PDCD4: variants seen among roughly 807,000 people sequenced by gnomAD.
PDCD4 encodes programmed cell death 4, also known as programmed cell death protein 4.
Under a neutral mutation model 54.0 loss-of-function variants are expected in PDCD4, and 56 were observed. That is an observed-to-expected ratio of 1.04 (90% CI 0.84 to 1.30). The LOEUF is 1.30. Ranked by LOEUF, PDCD4 falls within the 50% of genes most tolerant of loss-of-function variation. The pLI is 0.00. For missense variants in PDCD4, 584 were observed against 559.8 expected (o/e 1.04, Z -0.44); for synonymous variants, 186 against 194.8 (o/e 0.95, Z 0.37).
At chr10:110,883,154 C>T (rs895971448) in intron 4 of PDCD4, 57 bp downstream of exon 4, 8 of 1,159,240 alleles carry the variant, frequency 6.9e-6, no homozygotes, top group Non-Finnish European at 1.0e-5. Context: ...TTTTTGACTT[C>T]ATGTTTGTAG....
At position 110,894,505 on chromosome 10, in the gene PDCD4, G is replaced by A. The variant is rs1249568853; in HGVS notation, c.1192G>A (p.Val398Ile). Residue 398 changes from valine (V) to isoleucine (I), a missense_variant, in exon 10 of 12, where the codon GTA becomes ATA. Val to Ile is a conservative substitution (Grantham distance 29, BLOSUM62 3). Transcript: ENST00000280154. The part of the protein sequence containing the change: ...KSLWKSSTIT[V>I]DQMKRGYERI... Reference sequence around the variant, plus strand: ...CCTTTGGAAGTCTTCTACCATTACTGTAGACCAAATGAAAAGAGTAAGTAT... The same window carrying A: ...CCTTTGGAAGTCTTCTACCATTACTATAGACCAAATGAAAAGAGTAAGTAT... 6 of 1,441,852 alleles carry A rather than the reference G, an allele frequency of 4.2e-6. No individual in the cohort carries two copies. The highest frequency in any genetic ancestry group is 1.4e-5 in the African/African-American group (1 of 71,640). The allele number at this position is 1,441,852 out of a possible 1,614,324, so 89.3% of individuals were successfully genotyped here.
chr10:110,877,781 CTTACTCTT>C (rs1845528940), intron 2 of PDCD4, among the ~76,000 whole-genome samples: 1 of 152,202 alleles, frequency 6.6e-6, no homozygotes, highest in African/African-American at 2.4e-5. Flanking sequence ...AAGTCACACT[CTTACTCTT>C]TTACTTGGAG....
chr10:110,875,214 C>T (rs1281268826), intron 1 of PDCD4, among the ~76,000 whole-genome samples: 1 of 152,086 alleles, frequency 6.6e-6, no homozygotes, highest in Non-Finnish European at 1.5e-5. Flanking sequence ...TTTCATCAAA[C>T]CTTCCAGTAT....
rs778286423 is a variant in PDCD4, at chr10:110,890,617, A to G, written c.937A>G (p.Ser313Gly). 2 of 1,613,584 alleles carry G rather than the reference A, an allele frequency of 1.2e-6. No homozygotes were observed. Among genetic ancestry groups the G allele is most frequent in the East Asian group, 2.2e-5 (1 of 44,854 alleles). ...SMSKGGKRKD[S>G]VWGSGGGQQS... ...GTCTAAAGGTGGAAAGCGTAAAGAT[A>G]GTGTGTGGGGCTCTGGAGGTGGGCA... is the stretch of plus-strand genomic sequence containing the variant. Residue 313 changes from serine to glycine, a missense_variant, in exon 8 of 12, where the codon AGT becomes GGT. By Grantham distance (56) the Ser-to-Gly change is moderately conservative. Transcript: ENST00000280154.
At chr10:110,875,683 A>G (rs1357593237) in intron 1 of PDCD4, among the ~76,000 whole-genome samples, 1 of 152,182 alleles carries the variant, frequency 6.6e-6, no homozygotes, top group Non-Finnish European at 1.5e-5. Flanking sequence ...GTAAACATGT[A>G]TCACAAACAT....
intron 3 of PDCD4, 36 bp downstream of exon 3, chr10:110,881,571 A>G (rs781711420): frequency 6.5e-6 from 10 of 1,546,960 alleles, no homozygotes; most frequent in East Asian, 2.3e-5. Flanking sequence ...TGGAAGATAA[A>G]CAAGTGGAAA....
chr10:110,891,724 C>A (rs542867853), intron 8 of PDCD4, among the ~76,000 whole-genome samples: 32 of 152,078 alleles, frequency 2.1e-4, no homozygotes, highest in African/African-American at 6.3e-4. Flanking sequence ...GTAGTTAGAG[C>A]CTTGACTGTT....
chr10:110,881,680 C>T (rs1474302735), intron 3 of PDCD4, 145 bp downstream of exon 3: 3 of 623,676 alleles, frequency 4.8e-6, no homozygotes, highest in Non-Finnish European at 7.8e-6. Context: ...TATATTTTTA[C>T]TTAGTAATAA....
Position 110,871,937 on chromosome 10 carries a change from C to G in PDCD4, c.-144C>G, listed in dbSNP as rs1845412466. 1 of 153,150 alleles carries G rather than the reference C, an allele frequency of 6.5e-6. No individual in the cohort carries two copies. Among genetic ancestry groups the G allele is most frequent in the African/African-American group, 2.4e-5 (1 of 41,484 alleles). The allele number at this position is 153,150 out of a possible 1,614,324, so 9.5% of individuals were successfully genotyped here. On this transcript the variant is annotated 5_prime_UTR_variant, in exon 1 of 12. Coordinates refer to ENST00000280154, the MANE Select transcript of PDCD4 (RefSeq NM_014456.5). ...CAGAGCGAGAAGGGCCAGAGACTCT[C>G]CGAGGCGGCGGCAGAGACAGAAGAG...
chr10:110,877,060 C>G (rs982475227), intron 2 of PDCD4, among the ~76,000 whole-genome samples: 1 of 152,120 alleles, frequency 6.6e-6, no homozygotes, highest in East Asian at 1.9e-4. Context: ...TGTTTATTTA[C>G]AGATCTTTTT....
chr10:110,888,508 A>G (rs569357308), intron 6 of PDCD4, among the ~76,000 whole-genome samples: 1 of 152,314 alleles, frequency 6.6e-6, no homozygotes, highest in South Asian at 2.1e-4. Context: ...AAATGATTAC[A>G]TAAGTTTATA....
At chr10:110,897,914 A>G (rs1845868664) in intron 11 of PDCD4, 114 bp from the exon 12 acceptor site, 1 of 566,606 alleles carries the variant, frequency 1.8e-6, no homozygotes, top group Admixed American at 3.5e-5. Context: ...TTTAATGGAA[A>G]ACCCTTTAAA....
At chr10:110,873,737 A>C (rs1351138404) in intron 1 of PDCD4, among the ~76,000 whole-genome samples, 2 of 152,214 alleles carry the variant, frequency 1.3e-5, no homozygotes, top group Non-Finnish European at 2.9e-5. Flanking sequence ...AACGTGGAAC[A>C]TGTCTTATCT....
chr10:110,891,299 C>T (rs1176462678), intron 8 of PDCD4, among the ~76,000 whole-genome samples: 3 of 146,606 alleles, frequency 2.0e-5, no homozygotes, highest in African/African-American at 5.0e-5. Flanking sequence ...CCCAGCTACT[C>T]GGGAGGCTGA....
chr10:110,883,945 T>C (rs1845630726), intron 4 of PDCD4, among the ~76,000 whole-genome samples: 1 of 152,232 alleles, frequency 6.6e-6, no homozygotes, highest in African/African-American at 2.4e-5. Context: ...TAAAAATGTA[T>C]TAATCTTTCA....
chr10:110,897,895 C>CT (rs777450767), intron 11 of PDCD4, 133 bp from the exon 12 acceptor site: 16,638 of 392,296 alleles, frequency 0.042, 2 homozygotes, highest in East Asian at 0.053. Context: ...TAGAGGCATG[C>CT]TTTTTTTTTT....
chr10:110,894,170 C>G lies in PDCD4; in HGVS notation c.1070C>G (p.Pro357Arg), dbSNP rs1428971586. The G allele has an allele frequency of 6.3e-7, 1 of 1,597,610 alleles. No individual in the cohort carries two copies. The highest frequency in any genetic ancestry group is 8.6e-7 in the Non-Finnish European group (1 of 1,165,302). Residue 357 changes from proline (P) to arginine (R), a missense_variant, in exon 9 of 12, where the codon CCT becomes CGT. By Grantham distance (103) the Pro-to-Arg change is moderately radical (BLOSUM62 -2). Coordinates refer to ENST00000280154, the MANE Select transcript of PDCD4 (RefSeq NM_014456.5). The stretch of plus-strand genomic sequence containing the variant: ...CATTGCCTTAAGGAACTGGAAGTAC[C>G]TCATTTTCACCATGAGCTTGTATAT... Reference protein sequence around the residue: ...AEHCLKELEVPHFHHELVYEA... With the variant: ...AEHCLKELEVRHFHHELVYEA...
chr10:110,875,984 C>A lies in PDCD4; in HGVS notation c.-44C>A. The A allele has an allele frequency of 7.0e-7, 1 of 1,431,218 alleles. No homozygotes were observed. The highest frequency in any genetic ancestry group is 1.3e-5 in the South Asian group (1 of 78,372). 88.7% of individuals were successfully genotyped at this position (1,431,218 alleles called of 1,614,324 possible). A position where few individuals can be genotyped will look rare whatever the true frequency, so the allele number is the denominator to read the frequency against. ...AAAACAGATTCTGAAGGAAGATTTC[C>A]ATTAGGTAATTTGTTTAATCAGTGC... On this transcript the variant is annotated 5_prime_UTR_variant, in exon 2 of 12. Coordinates refer to ENST00000280154, the MANE Select transcript of PDCD4 (RefSeq NM_014456.5).
intron 4 of PDCD4, among the ~76,000 whole-genome samples, chr10:110,883,651 T>G (rs1707481980): frequency 6.6e-6 from 1 of 152,198 alleles, no homozygotes; most frequent in African/African-American, 2.4e-5. Flanking sequence ...TTAATTCCAT[T>G]TACTCTCCGT....
Sources: gnomAD v4.1 joint callset for allele counts (sites outside exome capture counted in the v4.1 genomes callset) on GRCh38, gnomAD v4.1.1 for gene constraint, MANE v1.5 for transcripts, NCBI Gene and HGNC (gene_info 2026-07-23, HGNC 2026-07-21) for gene names.